The following USP20 variants were observed in gnomAD, a reference collection of about 807,000 sequenced individuals.
USP20 encodes the protein ubiquitin specific peptidase 20.
A neutral mutation model predicts 124.2 loss-of-function variants in USP20; 80 were observed. That is an observed-to-expected ratio of 0.64 (90% CI 0.54 to 0.78). The LOEUF (loss-of-function observed/expected upper bound fraction) is 0.78. Ranked by LOEUF, USP20 falls within the 30% of genes least tolerant of loss-of-function variation. The probability of loss-of-function intolerance (pLI) is 0.00; values close to 1 mark genes in which losing one functional copy is unlikely to be tolerated. For missense variants in USP20, 1,043 were observed against 1,244.4 expected, an observed-to-expected ratio of 0.84 and a Z score of 2.44; for synonymous variants, 481 against 512.3, an observed-to-expected ratio of 0.94 and a Z score of 0.83.
chr9:129,852,102 C>G (rs140167988), intron 2 of USP20, among the ~76,000 whole-genome samples: 77 of 152,284 alleles, frequency 5.1e-4, no homozygotes, highest in African/African-American at 1.8e-3. Flanking sequence ...CTTTTTGAAA[C>G]CCAGCCTTTC....
chr9:129,843,625 T>C (rs1185596085), intron 1 of USP20, among the ~76,000 whole-genome samples: 1 of 151,606 alleles, frequency 6.6e-6, no homozygotes, highest in East Asian at 1.9e-4. Context: ...TAATCCCAGC[T>C]ACTTGGGAGG....
rs149089898 is a variant in USP20 at position 129,847,961 on chromosome 9, ACT to A, written c.-128-1849_-128-1848del. ...AATCCGACTCATGATTTAGAGCAAG[ACT>A]CTGCACCACACAGATCTGATCAGGG... On this transcript the variant is annotated intron_variant, in intron 1 of 25. Coordinates refer to ENST00000372429, the MANE Select transcript of USP20 (RefSeq NM_001110303.4). 1.5e-3 allele frequency among the ~76,000 whole-genome samples: 233 copies of A among 150,492 alleles called. 1 individual carries two copies. The highest frequency in any genetic ancestry group is 2.7e-3 in the Non-Finnish European group (185 of 67,744).
chr9:129,869,499 C>G (rs2034009204), intron 13 of USP20, 74 bp downstream of exon 13: 4 of 1,550,040 alleles, frequency 2.6e-6, no homozygotes, highest in Non-Finnish European at 2.7e-6. Flanking sequence ...TGACTGGGTG[C>G]AGGGTGGGCT....
chr9:129,864,610 C>T (rs183809581), intron 9 of USP20, among the ~76,000 whole-genome samples: 1,950 of 151,562 alleles, frequency 0.013, 20 homozygotes, highest in Middle Eastern at 0.024. Flanking sequence ...CCCGTCTCTA[C>T]TAAAAATACA....
intron 6 of USP20, among the ~76,000 whole-genome samples, chr9:129,859,919 C>T (rs1385286785): frequency 1.3e-5 from 2 of 152,092 alleles, no homozygotes; most frequent in African/African-American, 4.8e-5. Flanking sequence ...GTAATCCCAG[C>T]TACTTGGGAG....
Position 129,843,884 on chromosome 9 carries a change from C to T in USP20, c.-128-5929C>T, listed in dbSNP as rs563659315. On this transcript the variant is annotated intron_variant, in intron 1 of 25. Coordinates refer to ENST00000372429, the MANE Select transcript of USP20 (RefSeq NM_001110303.4). Reference sequence around the variant, plus strand: ...TTCCAGACCAATCTGGGCATCATGGCAAAACTCTGTCTCTATAAAAGAAAA... The same window carrying T: ...TTCCAGACCAATCTGGGCATCATGGTAAAACTCTGTCTCTATAAAAGAAAA... Among the ~76,000 whole-genome samples the T allele has an allele frequency of 6.8e-4, 104 of 152,224 alleles. 1 individual carries two copies. Among genetic ancestry groups the T allele is most frequent in the African/African-American group, 2.2e-3 (91 of 41,538 alleles).
Position 129,868,066 on chromosome 9 carries a change from T to C in USP20, c.752T>C (p.Val251Ala). ...DQLHEELKEP[V>A]VATVALTEAR... ...CTGCACGAGGAGCTCAAGGAGCCGG[T>C]GGTGGCCACGGTGGCGCTGACGGAG... is the stretch of plus-strand genomic sequence containing the variant. The change falls in exon 11 of 26, where the codon GTG becomes GCG. Residue 251 changes from valine to alanine, a missense_variant. Coordinates refer to ENST00000372429, the MANE Select transcript of USP20 (RefSeq NM_001110303.4). The C allele has an allele frequency of 6.2e-7, 1 of 1,614,058 alleles. No homozygotes were observed. The highest frequency in any genetic ancestry group is 1.1e-5 in the South Asian group (1 of 91,082).
rs773196963 is a variant in USP20, at chr9:129,869,849, G to T, written c.1565+5G>T. On this transcript the variant is annotated splice_donor_5th_base_variant and intron_variant, in intron 14 of 25. Transcript: ENST00000372429. ...CATTGTGGAGTACATCCGACGGTGCGCCCACCTTGCCACTACTGGGCGACA... is the reference window on the plus strand; with the variant it reads ...CATTGTGGAGTACATCCGACGGTGCTCCCACCTTGCCACTACTGGGCGACA... The T allele has an allele frequency of 6.2e-7, 1 of 1,609,738 alleles. No individual in the cohort carries two copies. The highest frequency in any genetic ancestry group is 8.5e-7 in the Non-Finnish European group (1 of 1,178,766).
Position 129,868,864 on chromosome 9 carries a change from C to T in USP20, c.1138C>T (p.Pro380Ser). ...RSSSPCRTPEPDNDAHLRSSS... is the reference protein window; with the variant it reads ...RSSSPCRTPESDNDAHLRSSS... ...CATGGTACCCTCTCTGCCCCCAGAG[C>T]CGGACAATGATGCTCACCTACGCAG... is the stretch of plus-strand genomic sequence containing the variant. Residue 380 changes from proline (P) to serine (S), a missense_variant and splice_region_variant, in exon 12 of 26, where the codon CCG (proline) becomes TCG (serine). Transcript: ENST00000372429. 1 of 1,561,558 alleles carries T rather than the reference C, an allele frequency of 6.4e-7. No individual in the cohort carries two copies. The highest frequency in any genetic ancestry group is 8.7e-7 in the Non-Finnish European group (1 of 1,149,676).
rs555052152 is a variant in USP20, at chr9:129,855,809, C to T, written c.82-498C>T. Among the ~76,000 whole-genome samples the T allele has an allele frequency of 7.2e-5, 11 of 152,240 alleles. No individual in the cohort carries two copies. The East Asian group carries it at 1.7e-3, about 24-fold the overall frequency. Reference sequence around the variant, plus strand: ...ACGGAGCAGGCTTTGACGCCCAGACCGCCAGAAACCTGGGCGTTTCCTGGG... The same window carrying T: ...ACGGAGCAGGCTTTGACGCCCAGACTGCCAGAAACCTGGGCGTTTCCTGGG... On this transcript the variant is annotated intron_variant, in intron 3 of 25. Coordinates refer to ENST00000372429, the MANE Select transcript of USP20 (RefSeq NM_001110303.4).
At position 129,863,220 on chromosome 9, in the gene USP20, G is replaced by A. The variant is rs1306762567; in HGVS notation, c.532G>A (p.Gly178Ser). ...GACTCAGTTCTTCTTGGAGTGTGGCGGCCTGGTGCGCACAGATAAGAAGCC... is the reference window on the plus strand; with the variant it reads ...GACTCAGTTCTTCTTGGAGTGTGGCAGCCTGGTGCGCACAGATAAGAAGCC... ...PLTQFFLECG[G>S]LVRTDKKPAL... The change falls in exon 9 of 26, where the codon GGC (glycine) becomes AGC (serine). Residue 178 changes from glycine (G) to serine (S), a missense_variant. Coordinates refer to ENST00000372429, the MANE Select transcript of USP20 (RefSeq NM_001110303.4). 1.0e-5 allele frequency: 16 copies of A among 1,547,380 alleles called. No individual in the cohort carries two copies. Among genetic ancestry groups the A allele is most frequent in the Admixed American group, 3.9e-5 (2 of 51,190 alleles).
At chr9:129,861,079 C>T (rs2033523043) in intron 7 of USP20, 46 bp downstream of exon 7, 1 of 1,574,842 alleles carries the variant, frequency 6.3e-7, no homozygotes, top group South Asian at 1.1e-5. Context: ...GGGCTGGGGG[C>T]CCTCATCTGG....
chr9:129,880,032 C>CTG lies in USP20; in HGVS notation c.2585-80_2585-79dup, dbSNP rs1010546249. On this transcript the variant is annotated intron_variant, in intron 24 of 25. Transcript: ENST00000372429. ...CGTCTTCCCGCTTCGGGGCCTGGCC[C>CTG]TGCGGAGCCCCCACTGCCCAGGCCG... 4.4e-5 allele frequency: 68 copies of CTG among 1,538,294 alleles called. No homozygotes were observed. The African/African-American group carries it at 9.1e-4, about 20-fold the overall frequency.
chr9:129,865,189 A>G (rs970128789), intron 9 of USP20, 114 bp from the exon 10 acceptor site: 24 of 1,119,198 alleles, frequency 2.1e-5, no homozygotes, highest in African/African-American at 2.0e-4. Flanking sequence ...CCCCTCCCCA[A>G]ATGTCAGGAA....
chr9:129,866,130 C>T (rs530354340), intron 10 of USP20, among the ~76,000 whole-genome samples: 65 of 152,304 alleles, frequency 4.3e-4, no homozygotes, highest in African/African-American at 1.3e-3. Context: ...TCATGCCAGG[C>T]CTGCAGGCAG....
At chr9:129,878,289 T>C (rs763177769) in intron 22 of USP20, 49 bp from the exon 23 acceptor site, 108 of 1,468,882 alleles carry the variant, frequency 7.4e-5, no homozygotes, top group South Asian at 1.9e-4. Context: ...TGAAGGTAAA[T>C]AGAGACTGAC....
chr9:129,864,499 T>C (rs1434151083), intron 9 of USP20, among the ~76,000 whole-genome samples: 3 of 143,198 alleles, frequency 2.1e-5, no homozygotes, highest in Non-Finnish European at 4.5e-5. Flanking sequence ...AAAAAGTCTG[T>C]GTGCAGTGGC....
At chr9:129,847,284 C>T (rs2005351) in intron 1 of USP20, among the ~76,000 whole-genome samples, 21,471 of 150,858 alleles carry the variant, frequency 0.14, 2,023 homozygotes, top group African/African-American at 0.25. Flanking sequence ...TCCACACCCT[C>T]GCCAACAGCC....
intron 23 of USP20, among the ~76,000 whole-genome samples, chr9:129,878,741 C>G (rs560885627): frequency 8.5e-5 from 13 of 152,170 alleles, no homozygotes; most frequent in Non-Finnish European, 1.3e-4. Context: ...GTGTGTCGCC[C>G]GAAATGACAG....
Sources: gnomAD v4.1 joint callset for allele counts (sites outside exome capture counted in the v4.1 genomes callset) on GRCh38, gnomAD v4.1.1 for gene constraint, MANE v1.5 for transcripts, NCBI Gene and HGNC (gene_info 2026-07-23, HGNC 2026-07-21) for gene names.